Variants in SLIT3 observed in about 807,000 individuals in gnomAD.
SLIT3 encodes the protein slit homolog 3 protein.
In SLIT3, 68 loss-of-function variants were observed where a neutral mutation model predicts 184.0. That is an observed-to-expected ratio of 0.37 (90% confidence interval 0.30 to 0.45). The LOEUF (loss-of-function observed/expected upper bound fraction) is 0.45, where lower values mean the gene tolerates loss of function less well. Ranked by LOEUF, SLIT3 falls within the 20% of genes least tolerant of loss-of-function variation. The probability of loss-of-function intolerance (pLI) is 1.00; values close to 1 mark genes in which losing one functional copy is unlikely to be tolerated. For missense variants in SLIT3, 1,707 were observed against 2,026.0 expected (o/e 0.84, Z 3.02); for synonymous variants, 831 against 828.6 (o/e 1.00, Z -0.05).
At chr5:169,002,345 A>AAAAAAAAAAAAAAAAG (rs1561600096) in intron 4 of SLIT3, among the ~76,000 whole-genome samples, 3 of 145,428 alleles carry the variant, frequency 2.1e-5, no homozygotes, top group Non-Finnish European at 3.0e-5. Flanking sequence ...AAAAAAAAAA[A>AAAAAAAAAAAAAAAAG]AAAAAAAAAA....
chr5:168,845,585 T>G (rs1758430719), intron 5 of SLIT3, among the ~76,000 whole-genome samples: 1 of 152,184 alleles, frequency 6.6e-6, no homozygotes, highest in African/African-American at 2.4e-5. Flanking sequence ...AGTTGGAGAC[T>G]GAGCTATTTT....
At chr5:169,198,869 T>C (rs1423911744) in intron 3 of SLIT3, among the ~76,000 whole-genome samples, 2 of 151,674 alleles carry the variant, frequency 1.3e-5, no homozygotes, top group Non-Finnish European at 2.9e-5. Flanking sequence ...GAGGCAGAGG[T>C]TGTGGTGAGC....
intron 4 of SLIT3, among the ~76,000 whole-genome samples, chr5:168,918,424 A>G (rs1163270839): frequency 2.0e-5 from 3 of 152,182 alleles, no homozygotes; most frequent in Non-Finnish European, 4.4e-5. Context: ...GGGGCTAGTA[A>G]TACTTTGATA....
In SLIT3 at chr5:168,665,558, AC is replaced by A. The variant is rs1261843384; in HGVS notation, c.*895del. 1 of 152,220 alleles carries A rather than the reference AC, an allele frequency of 6.6e-6. No homozygotes were observed. Among genetic ancestry groups the A allele is most frequent in the African/African-American group, 2.4e-5 (1 of 41,416 alleles). The allele number at this position is 152,220 out of a possible 1,614,324, so 9.4% of individuals were successfully genotyped here. ...CTCTTCCCTCGCCTCCTCTAGGAAG[AC>A]CCCTCTCCTGGGGAGGAGCAGGAAA... On this transcript the variant is annotated 3_prime_UTR_variant, in exon 36 of 36. Coordinates refer to ENST00000519560, the MANE Select transcript of SLIT3 (RefSeq NM_003062.4).
intron 4 of SLIT3, among the ~76,000 whole-genome samples, chr5:168,942,892 T>A (rs1247532350): frequency 6.6e-6 from 1 of 152,156 alleles, no homozygotes; most frequent in Non-Finnish European, 1.5e-5. Flanking sequence ...CTAGGCTAAG[T>A]AGAAAAGTGT....
At chr5:168,967,846 G>C (rs537549153) in intron 4 of SLIT3, among the ~76,000 whole-genome samples, 4 of 152,046 alleles carry the variant, frequency 2.6e-5, no homozygotes, top group African/African-American at 9.7e-5. Context: ...ATAAAGCCTC[G>C]GGTTCCCACT....
rs1159348609 is a variant in SLIT3 at position 169,300,007 on chromosome 5, CCA to C, written c.197+504_197+505del. Among the ~76,000 whole-genome samples, 3 of 152,210 alleles carry C rather than the reference CCA, an allele frequency of 2.0e-5. No individual in the cohort carries two copies. Among genetic ancestry groups the C allele is most frequent in the African/African-American group, 7.2e-5 (3 of 41,452 alleles). On this transcript the variant is annotated intron_variant, in intron 1 of 35. Coordinates refer to ENST00000519560, the MANE Select transcript of SLIT3 (RefSeq NM_003062.4). The surrounding 1 kb of genome is among the most constrained non-coding windows in gnomAD (Gnocchi z 4.1). ...AGTTCCTCAGAAGTTAAACCTTCAC[CCA>C]CACTCTCAACTTTCCTTGCAAGGGC...
At chr5:169,287,593 T>C (rs1767201865) in intron 1 of SLIT3, among the ~76,000 whole-genome samples, 1 of 151,368 alleles carries the variant, frequency 6.6e-6, no homozygotes, top group South Asian at 2.1e-4. Context: ...GGGGAGGGAG[T>C]AGACCAGATG....
chr5:169,177,032 C>T (rs925941529), intron 4 of SLIT3, among the ~76,000 whole-genome samples: 3 of 152,216 alleles, frequency 2.0e-5, no homozygotes, highest in African/African-American at 7.2e-5. Context: ...TCAGTAATTA[C>T]ATCGACTTCC....
intron 4 of SLIT3, among the ~76,000 whole-genome samples, chr5:169,125,824 G>T (rs543581579): frequency 6.6e-6 from 1 of 152,314 alleles, no homozygotes; most frequent in South Asian, 2.1e-4. Context: ...ATCAGCTTGA[G>T]AGGAATGAAG....
At chr5:169,034,912 AGTGTGTGTGTGTGT>A (rs112102059) in intron 4 of SLIT3, among the ~76,000 whole-genome samples, 263 of 132,420 alleles carry the variant, frequency 2.0e-3, no homozygotes, top group Middle Eastern at 3.7e-3. Flanking sequence ...ACGCCCAGCT[AGTGTGTGTGTGTGT>A]GTGTGTGTGT....
rs1338639919 is a variant in SLIT3, at chr5:169,006,187, C to T, written c.414-122851G>A. Among the ~76,000 whole-genome samples the T allele has an allele frequency of 3.3e-5, 5 of 152,188 alleles. No individual in the cohort carries two copies. In the East Asian group the frequency reaches 5.8e-4, roughly 18 times the overall value. ...CTTACTGTAATTCAGGGCCTTGCAG[C>T]GTAACTACCAACCAGCCTGGCCATC... On this transcript the variant is annotated intron_variant, in intron 4 of 35. Transcript: ENST00000519560.
At chr5:169,178,265 A>G (rs1335827828) in intron 4 of SLIT3, among the ~76,000 whole-genome samples, 1 of 152,222 alleles carries the variant, frequency 6.6e-6, no homozygotes, top group East Asian at 1.9e-4. Context: ...GGCTAAGGTA[A>G]GCAGGTACCT....
At chr5:168,976,631 T>C (rs930192619) in intron 4 of SLIT3, among the ~76,000 whole-genome samples, 1 of 152,238 alleles carries the variant, frequency 6.6e-6, no homozygotes, top group Non-Finnish European at 1.5e-5. Context: ...TGTCTATCTC[T>C]ATTGCCTTGT....
At chr5:168,827,568 C>G (rs946211329) in intron 6 of SLIT3, among the ~76,000 whole-genome samples, 3 of 152,176 alleles carry the variant, frequency 2.0e-5, no homozygotes, top group African/African-American at 4.8e-5. Context: ...CGTGATTACC[C>G]TTAGAGCTTA....
At chr5:169,053,262 T>C (rs1376440383) in intron 4 of SLIT3, among the ~76,000 whole-genome samples, 21 of 152,234 alleles carry the variant, frequency 1.4e-4, no homozygotes, top group Non-Finnish European at 1.5e-5. Context: ...TTCCTTTCCT[T>C]TCTTCCACAA....
chr5:169,147,631 T>C (rs565678378), intron 4 of SLIT3, among the ~76,000 whole-genome samples: 9 of 152,328 alleles, frequency 5.9e-5, no homozygotes, highest in Middle Eastern at 3.4e-3. Context: ...ATCCTTAGTA[T>C]TGACTTGCAA....
intron 5 of SLIT3, among the ~76,000 whole-genome samples, chr5:168,870,405 C>T (rs990369640): frequency 6.6e-6 from 1 of 152,212 alleles, no homozygotes; most frequent in African/African-American, 2.4e-5. Flanking sequence ...AGCCCCATTC[C>T]AGGTAATCAC....
chr5:168,974,244 G>T (rs1243724088), intron 4 of SLIT3, among the ~76,000 whole-genome samples: 3 of 152,138 alleles, frequency 2.0e-5, no homozygotes, highest in Admixed American at 6.5e-5. Flanking sequence ...GCCTTCTCCT[G>T]CTTCACACTC....
Sources: allele counts gnomAD v4.1 joint callset (sites outside exome capture counted in the v4.1 genomes callset), GRCh38; gene constraint gnomAD v4.1.1; non-coding constraint Gnocchi (gnomAD v3.1); transcripts MANE v1.5; gene names NCBI Gene and HGNC (gene_info 2026-07-23, HGNC 2026-07-21).